NEK8: variants seen among roughly 807,000 people sequenced by gnomAD.
NEK8 encodes the protein NIMA related kinase 8, also known as serine/threonine-protein kinase Nek8.
In NEK8, 51 loss-of-function variants were observed where a neutral mutation model predicts 77.2. That is an observed-to-expected ratio of 0.66 (90% CI 0.53 to 0.83). NEK8 has a LOEUF of 0.83. Among genes scored for constraint, NEK8 ranks in the 40% least tolerant of loss-of-function variants. The pLI is 0.00. For synonymous variants in NEK8, 365 were observed against 363.2 expected (o/e 1.00, Z -0.06); for missense variants, 787 against 909.2 (o/e 0.87, Z 1.73).
intron 2 of NEK8, 54 bp downstream of exon 2, chr17:28,734,242 A>G (rs2034339055): frequency 7.5e-6 from 11 of 1,472,106 alleles, no homozygotes; most frequent in South Asian, 4.5e-5. Context: ...CCTCTGGGAC[A>G]GGCAGACACA....
chr17:28,742,159 A>G lies in NEK8; in HGVS notation c.*172A>G. On this transcript the variant is annotated 3_prime_UTR_variant, in exon 15 of 15. Transcript: ENST00000268766. Reference sequence around the variant, plus strand: ...TTTGGCCTTGGATATGGAAACCTCAACCACTTTGTTCTCCTACCACCTCTT... The same window carrying G: ...TTTGGCCTTGGATATGGAAACCTCAGCCACTTTGTTCTCCTACCACCTCTT... The G allele has an allele frequency of 1.4e-6, 1 of 740,478 alleles. No homozygotes were observed. Among genetic ancestry groups the G allele is most frequent in the Non-Finnish European group, 2.5e-6 (1 of 407,864 alleles). 45.9% of individuals were successfully genotyped at this position (740,478 alleles called of 1,614,324 possible). A position where few individuals can be genotyped will look rare whatever the true frequency, so the allele number is the denominator to read the frequency against.
In NEK8 at chr17:28,737,918, T is replaced by A; in HGVS notation, c.989T>A (p.Leu330His). 6.2e-7 allele frequency: 1 copy of A among 1,613,728 alleles called. No individual in the cohort carries two copies. ...GGCACCCCCCTGCGGCTGCCAATGC[T>A]CAACACAGAGGTGGTCCAGGTGGCA... ...GLGTPLRLPM[L>H]NTEVVQVAAG... The change falls in exon 7 of 15, where the codon CTC becomes CAC. Residue 330 changes from leucine to histidine, a missense_variant. Around this residue, in one of 2 missense-constraint regions of NEK8, gnomAD observed 516 missense variants for 544.0 expected, o/e 0.95. Transcript: ENST00000268766. The surrounding 1 kb of genome is among the most constrained non-coding windows in gnomAD (Gnocchi z 4.8).
chr17:28,734,827 G>T lies in NEK8; in HGVS notation c.309G>T (p.Glu103Asp), dbSNP rs377073596. 3 of 1,613,862 alleles carry T rather than the reference G, an allele frequency of 1.9e-6. No individual in the cohort carries two copies. The East Asian group carries it at 6.7e-5, about 36-fold the overall frequency. Reference protein sequence around the residue: ...QKRCNSLLEEETILHFFVQIL... With the variant: ...QKRCNSLLEEDTILHFFVQIL... The stretch of plus-strand genomic sequence containing the variant: ...GCTGTAATTCCCTGCTGGAGGAGGA[G>T]ACCATCCTGCACTTCTTCGTGCAGA... The change falls in exon 3 of 15, where the codon GAG becomes GAT. Residue 103 changes from glutamate to aspartate, a missense_variant. Around this residue, in one of 2 missense-constraint regions of NEK8, gnomAD observed 271 missense variants for 365.1 expected, o/e 0.74. Transcript: ENST00000268766.
chr17:28,729,022 C>T (rs1257493971), intron 1 of NEK8, among the ~76,000 whole-genome samples, 162 bp downstream of exon 1: 2 of 152,262 alleles, frequency 1.3e-5, no homozygotes, highest in Non-Finnish European at 2.9e-5. Flanking sequence ...GGAGACTCCG[C>T]CTCTACGGAG....
In NEK8 at chr17:28,734,829, C is replaced by T; in HGVS notation, c.311C>T (p.Thr104Ile). Residue 104 changes from threonine (T) to isoleucine (I), a missense_variant, in exon 3 of 15, where the codon ACC becomes ATC. Coordinates refer to ENST00000268766, the MANE Select transcript of NEK8 (RefSeq NM_178170.3). ...KRCNSLLEEE[T>I]ILHFFVQILL... is the part of the protein sequence containing the mutation. The stretch of plus-strand genomic sequence containing the variant: ...TGTAATTCCCTGCTGGAGGAGGAGA[C>T]CATCCTGCACTTCTTCGTGCAGATC... 2 of 1,613,878 alleles carry T rather than the reference C, an allele frequency of 1.2e-6. No individual in the cohort carries two copies. Among genetic ancestry groups the T allele is most frequent in the Non-Finnish European group, 1.7e-6 (2 of 1,180,018 alleles).
At chr17:28,729,418 C>T (rs1432917932) in intron 1 of NEK8, among the ~76,000 whole-genome samples, 2 of 152,080 alleles carry the variant, frequency 1.3e-5, no homozygotes, top group Non-Finnish European at 2.9e-5. Flanking sequence ...TTCAGTGGCA[C>T]GATCTTGGCA....
chr17:28,737,985 T>A lies in NEK8; in HGVS notation c.1056T>A (p.Arg352=), dbSNP rs1027208322. Residue 352 remains arginine, a synonymous_variant, in exon 7 of 15, where the codon CGT becomes CGA. Transcript: ENST00000268766. The surrounding 1 kb of genome is among the most constrained non-coding windows in gnomAD (Gnocchi z 4.8). ...TQKAGVTRSG[R]LILWEAPPLG... ...AAGCCGGCGTCACGCGCTCTGGGCG[T>A]CTCATCCTGTGGGAGGTGAGCAGGC... The A allele has an allele frequency of 2.5e-6, 4 of 1,611,950 alleles. No homozygotes were observed. Among genetic ancestry groups the A allele is most frequent in the Non-Finnish European group, 3.4e-6 (4 of 1,178,822 alleles).
In NEK8 at chr17:28,739,147, G is replaced by C. The variant is rs146125605; in HGVS notation, c.1363G>C (p.Val455Leu). 1.2e-6 allele frequency: 2 copies of C among 1,614,060 alleles called. No homozygotes were observed. Among genetic ancestry groups the C allele is most frequent in the East Asian group, 2.2e-5 (1 of 44,894 alleles). Residue 455 changes from valine (V) to leucine (L), a missense_variant, in exon 10 of 15, where the codon GTG becomes CTG. Val to Leu is a conservative substitution (Grantham distance 32). Transcript: ENST00000268766. ...GCAGGTGGCCTGTGGGGCCTCTCAC[G>C]TGCTGGCCCTGTCCACTGAGCGAGA... ...MVQVACGASH[V>L]LALSTERELF... is the part of the protein sequence containing the mutation.
chr17:28,728,800 C>T lies in NEK8; in HGVS notation c.-14C>T. The T allele has an allele frequency of 1.3e-6, 2 of 1,550,928 alleles. No individual in the cohort carries two copies. The highest frequency in any genetic ancestry group is 3.9e-5 in the Admixed American group (2 of 51,010). On this transcript the variant is annotated 5_prime_UTR_variant, in exon 1 of 15. Transcript: ENST00000268766. The stretch of plus-strand genomic sequence containing the variant: ...CGCCGCGTGGGGGACGGAAGTGAAA[C>T]TCTAAGAAATGAGATGGAGAAGTAC...
rs2034417258 is a variant in NEK8, at chr17:28,741,135, C to G, written c.1790C>G (p.Thr597Ser). ...CAGCACGGACAGTTGGGCACCAATACTCGCCGAGGCAGTCGGGCACCCTGT... is the reference window on the plus strand; with the variant it reads ...CAGCACGGACAGTTGGGCACCAATAGTCGCCGAGGCAGTCGGGCACCCTGT... ...SNQHGQLGTN[T>S]RRGSRAPCKV... The change falls in exon 13 of 15, where the codon ACT (threonine) becomes AGT (serine). Residue 597 changes from threonine to serine, a missense_variant. This residue lies in a region of NEK8 where 516 missense variants were observed against 544.0 expected (regional missense o/e 0.95). Transcript: ENST00000268766. The surrounding 1 kb of genome is among the most constrained non-coding windows in gnomAD (Gnocchi z 4.5). The G allele has an allele frequency of 6.2e-7, 1 of 1,614,036 alleles. No homozygotes were observed. The highest frequency in any genetic ancestry group is 8.5e-7 in the Non-Finnish European group (1 of 1,180,030).
In NEK8 at chr17:28,738,078, T is replaced by C; in HGVS notation, c.1072-17T>C. 1 of 1,612,166 alleles carries C rather than the reference T, an allele frequency of 6.2e-7. No individual in the cohort carries two copies. The highest frequency in any genetic ancestry group is 8.5e-7 in the Non-Finnish European group (1 of 1,179,292). On this transcript the variant is annotated splice_polypyrimidine_tract_variant and intron_variant, in intron 7 of 14. Coordinates refer to ENST00000268766, the MANE Select transcript of NEK8 (RefSeq NM_178170.3). Reference sequence around the variant, plus strand: ...GGTTGGGGTGCTCAGGCGCTGCCCATCCCCCTGCCCCTGCAGGCCCCACCC... The same window carrying C: ...GGTTGGGGTGCTCAGGCGCTGCCCACCCCCCTGCCCCTGCAGGCCCCACCC...
Position 28,734,953 on chromosome 17 carries a change from C to T in NEK8, c.435C>T (p.Ile145=), listed in dbSNP as rs773267212. ...ACAAACACCGCATGGTCGTCAAGAT[C>T]GGTGATTTCGGCATCTCCAAGATCC... ...LLDKHRMVVK[I]GDFGISKILS... Residue 145 remains isoleucine, a synonymous_variant, in exon 3 of 15, where the codon ATC becomes ATT. Transcript: ENST00000268766. 1.6e-5 allele frequency: 26 copies of T among 1,613,290 alleles called. No homozygotes were observed. The East Asian group carries it at 2.2e-4, about 14-fold the overall frequency.
At chr17:28,731,791 G>A (rs909063243) in intron 1 of NEK8, among the ~76,000 whole-genome samples, 2 of 150,432 alleles carry the variant, frequency 1.3e-5, no homozygotes, top group African/African-American at 2.4e-5. Flanking sequence ...TTTTTTAGTA[G>A]AGACGGGGTT....
chr17:28,732,415 A>T (rs1264824187), intron 1 of NEK8, among the ~76,000 whole-genome samples: 1 of 152,080 alleles, frequency 6.6e-6, no homozygotes, highest in East Asian at 1.9e-4. Context: ...AGAAATTATG[A>T]TGACTATAGG....
rs2034376636 is a variant in NEK8 at position 28,737,515 on chromosome 17, G to A, written c.827+1G>A. On this transcript the variant is annotated splice_donor_variant, in intron 5 of 14. Coordinates refer to ENST00000268766, the MANE Select transcript of NEK8 (RefSeq NM_178170.3). LOFTEE classifies it high-confidence loss of function. This position sits in a 1 kb window ranked among gnomAD's most constrained non-coding sequence, Gnocchi z 4.8. ...ACGTGGGCAGTGTCCGCATGCGGAG[G>A]CCTGTGCAGGGACAGCGAGCGGTCC... 6.2e-7 allele frequency: 1 copy of A among 1,612,956 alleles called. No homozygotes were observed. Among genetic ancestry groups the A allele is most frequent in the African/African-American group, 1.3e-5 (1 of 74,936 alleles).
chr17:28,735,453 TCTC>T, intron 4 of NEK8, 82 bp downstream of exon 4: 1 of 1,477,906 alleles, frequency 6.8e-7, no homozygotes, highest in South Asian at 1.2e-5. Context: ...ACCTCAGGTT[TCTC>T]CTCTAGCTGA....
Position 28,741,249 on chromosome 17 carries a change from C to G in NEK8, c.1891+13C>G. The G allele has an allele frequency of 6.3e-7, 1 of 1,598,518 alleles. No homozygotes were observed. The highest frequency in any genetic ancestry group is 8.5e-7 in the Non-Finnish European group (1 of 1,171,212). ...GCTATTGGGGCAGGTGAGGACTGAG[C>G]ATGGTGGGGGCAGACAGTGCCATGA... On this transcript the variant is annotated intron_variant, in intron 13 of 14. Coordinates refer to ENST00000268766, the MANE Select transcript of NEK8 (RefSeq NM_178170.3). This position sits in a 1 kb window ranked among gnomAD's most constrained non-coding sequence, Gnocchi z 4.5.
chr17:28,730,247 A>C (rs1410860794), intron 1 of NEK8, among the ~76,000 whole-genome samples: 1 of 147,748 alleles, frequency 6.8e-6, no homozygotes, highest in Non-Finnish European at 1.5e-5. Context: ...AGTAGCTGGG[A>C]CTACAGGCAC....
rs1027349806 is a variant in NEK8 at position 28,742,722 on chromosome 17, G to C, written c.*735G>C. 3 of 151,910 alleles carry C rather than the reference G, an allele frequency of 2.0e-5. No homozygotes were observed. Among genetic ancestry groups the C allele is most frequent in the African/African-American group, 7.3e-5 (3 of 41,230 alleles). The allele number at this position is 151,910 out of a possible 1,614,324, so 9.4% of individuals were successfully genotyped here. On this transcript the variant is annotated 3_prime_UTR_variant, in exon 15 of 15. Transcript: ENST00000268766. ...CCTTGATCCCTTGTGGCCAGGAGTT[G>C]GGAGACCAGCCTGGGGACCATAGCG...
Sources: allele counts gnomAD v4.1 joint callset (sites outside exome capture counted in the v4.1 genomes callset), GRCh38; gene constraint gnomAD v4.1.1; regional missense constraint gnomAD v4.1.1; non-coding constraint Gnocchi (gnomAD v3.1); transcripts MANE v1.5; gene names NCBI Gene and HGNC (gene_info 2026-07-23, HGNC 2026-07-21).